The following CRISPLD2 variants were observed in gnomAD, a reference collection of about 807,000 sequenced individuals.
The protein encoded by CRISPLD2 is cysteine rich secretory protein LCCL domain containing 2, also known as cysteine-rich secretory protein LCCL domain-containing 2.
Under a neutral mutation model 71.1 loss-of-function variants are expected in CRISPLD2, and 47 were observed. The ratio of observed to expected loss-of-function variants is 0.66; its 90% confidence interval spans 0.52 to 0.84. CRISPLD2 has a LOEUF of 0.84. Ranked by LOEUF, CRISPLD2 falls within the 40% of genes least tolerant of loss-of-function variation. The pLI, the probability that CRISPLD2 is intolerant of heterozygous loss-of-function variation, is 0.00. For missense variants in CRISPLD2, 830 were observed against 651.1 expected (o/e 1.27, Z -2.99); for synonymous variants, 317 against 250.1 (o/e 1.27, Z -2.52).
intron 14 of CRISPLD2, among the ~76,000 whole-genome samples, chr16:84,902,737 G>T (rs2071766286): frequency 6.7e-6 from 1 of 148,906 alleles, no homozygotes; most frequent in East Asian, 2.0e-4. Flanking sequence ...GGTTGTTGCT[G>T]TGTATCTCCT....
At chr16:84,880,196 G>A (rs1246447614) in intron 12 of CRISPLD2, among the ~76,000 whole-genome samples, 1 of 152,100 alleles carries the variant, frequency 6.6e-6, no homozygotes, top group African/African-American at 2.4e-5. Context: ...GAATGGGAGG[G>A]GCAGCCTCAC....
intron 14 of CRISPLD2, among the ~76,000 whole-genome samples, chr16:84,891,290 C>G (rs1173902598): frequency 6.6e-6 from 1 of 152,222 alleles, no homozygotes; most frequent in East Asian, 1.9e-4. Flanking sequence ...TCCTGGGACA[C>G]GGCCCCTGCT....
chr16:84,849,553 C>G lies in CRISPLD2; in HGVS notation c.492+36C>G, dbSNP rs773475049. 1.9e-6 allele frequency: 3 copies of G among 1,603,764 alleles called. No individual in the cohort carries two copies. The East Asian group carries it at 6.7e-5, about 36-fold the overall frequency. ...GACTTGCCACGACCTCAGCCCTGCCCCCCAATCCCAGTCATTCACCCCCTG... is the reference window on the plus strand; with the variant it reads ...GACTTGCCACGACCTCAGCCCTGCCGCCCAATCCCAGTCATTCACCCCCTG... On this transcript the variant is annotated intron_variant, in intron 4 of 14. Coordinates refer to ENST00000262424, the MANE Select transcript of CRISPLD2 (RefSeq NM_031476.4).
At chr16:84,826,955 C>T (rs1187844104) in intron 1 of CRISPLD2, among the ~76,000 whole-genome samples, 1 of 152,206 alleles carries the variant, frequency 6.6e-6, no homozygotes, top group Non-Finnish European at 1.5e-5. Context: ...AGTCTTCAAA[C>T]AGAGGTCAGA....
At chr16:84,849,297 C>G (rs1917008997) in intron 3 of CRISPLD2, 88 bp from the exon 4 acceptor site, 1 of 1,356,098 alleles carries the variant, frequency 7.4e-7, no homozygotes, top group South Asian at 1.5e-5. Flanking sequence ...CTCGGCCTCC[C>G]TCCCTCCTAC....
At chr16:84,821,484 G>A (rs532479193) in intron 1 of CRISPLD2, among the ~76,000 whole-genome samples, 3 of 152,302 alleles carry the variant, frequency 2.0e-5, no homozygotes, top group South Asian at 4.1e-4. Context: ...CACAGCTGAG[G>A]AAACTGAGGC....
At chr16:84,820,836 G>T (rs537830667) in intron 1 of CRISPLD2, among the ~76,000 whole-genome samples, 4 of 152,138 alleles carry the variant, frequency 2.6e-5, no homozygotes, top group South Asian at 2.1e-4. Flanking sequence ...TAACTCCTGC[G>T]TGGGGAGAGT....
chr16:84,863,740 C>G (rs1329885058), intron 6 of CRISPLD2, among the ~76,000 whole-genome samples: 1 of 152,064 alleles, frequency 6.6e-6, no homozygotes, highest in East Asian at 1.9e-4. Context: ...GAGGCTGAGG[C>G]GGGCAGATCA....
intron 1 of CRISPLD2, among the ~76,000 whole-genome samples, chr16:84,827,516 G>C (rs924028423): frequency 6.6e-6 from 1 of 150,808 alleles, no homozygotes; most frequent in East Asian, 1.9e-4. Context: ...GACCCCTTCT[G>C]AGCCTTTGTC....
chr16:84,847,617 C>A lies in CRISPLD2; in HGVS notation c.359+1713C>A, dbSNP rs539153146. On this transcript the variant is annotated intron_variant, in intron 3 of 14. Transcript: ENST00000262424. The stretch of plus-strand genomic sequence containing the variant: ...AGTGAGCCAGGATTGCACCATTGTA[C>A]TCCAGCCTGGGTGACAGTGCAAGAA... Among the ~76,000 whole-genome samples, 22 of 151,594 alleles carry A rather than the reference C, an allele frequency of 1.5e-4. No individual in the cohort carries two copies. In the South Asian group the frequency reaches 4.6e-3, roughly 32 times the overall value.
intron 9 of CRISPLD2, 65 bp downstream of exon 9, chr16:84,872,573 G>T (rs368398329): frequency 1.4e-6 from 2 of 1,388,788 alleles, no homozygotes; most frequent in Non-Finnish European, 2.0e-6. Context: ...TTTAAAGCAG[G>T]TGGTTGGCTT....
intron 7 of CRISPLD2, among the ~76,000 whole-genome samples, chr16:84,868,317 A>C (rs1917598188): frequency 6.6e-6 from 1 of 152,186 alleles, no homozygotes; most frequent in African/African-American, 2.4e-5. Flanking sequence ...TTCAAACTAT[A>C]ACACGACTCC....
At chr16:84,836,713 C>G (rs1443864975) in intron 1 of CRISPLD2, among the ~76,000 whole-genome samples, 1 of 152,198 alleles carries the variant, frequency 6.6e-6, no homozygotes, top group South Asian at 2.1e-4. Flanking sequence ...AGGCCTTGAT[C>G]TACATCTCCC....
intron 3 of CRISPLD2, among the ~76,000 whole-genome samples, chr16:84,848,443 G>T (rs1176719442): frequency 6.9e-6 from 1 of 143,948 alleles, no homozygotes; most frequent in Non-Finnish European, 1.5e-5. Flanking sequence ...CTCCAGTTTG[G>T]TTTTCTCCCT....
intron 6 of CRISPLD2, among the ~76,000 whole-genome samples, chr16:84,865,993 GT>G (rs1190379639): frequency 6.6e-6 from 1 of 152,192 alleles, no homozygotes; most frequent in Non-Finnish European, 1.5e-5. Context: ...TTATTGGACA[GT>G]AAAACTCCAG....
chr16:84,876,032 C>G (rs1019521784), intron 11 of CRISPLD2, among the ~76,000 whole-genome samples: 1 of 152,192 alleles, frequency 6.6e-6, no homozygotes, highest in African/African-American at 2.4e-5. Flanking sequence ...AACGATGACT[C>G]ATGGGTTAAA....
Position 84,838,463 on chromosome 16 carries a change from C to G in CRISPLD2, c.-33C>G. On this transcript the variant is annotated 5_prime_UTR_variant, in exon 2 of 15. Coordinates refer to ENST00000262424, the MANE Select transcript of CRISPLD2 (RefSeq NM_031476.4). ...TCTGCCCGAGGAGCCCAGGCTGCCC[C>G]GTGAGTCCCATAGTTGCTGCAGGAG... 2.5e-6 allele frequency: 4 copies of G among 1,600,006 alleles called. No individual in the cohort carries two copies. The highest frequency in any genetic ancestry group is 3.4e-6 in the Non-Finnish European group (4 of 1,170,808).
chr16:84,849,435 A>T lies in CRISPLD2; in HGVS notation c.410A>T (p.Asp137Val), dbSNP rs1297496215. 1.2e-6 allele frequency: 2 copies of T among 1,614,012 alleles called. No individual in the cohort carries two copies. Among genetic ancestry groups the T allele is most frequent in the Admixed American group, 1.7e-5 (1 of 60,030 alleles). Residue 137 changes from aspartate (D) to valine (V), a missense_variant, in exon 4 of 15, where the codon GAC (aspartate) becomes GTC (valine). Transcript: ENST00000262424. ...HVQSWYDEVK[D>V]YTYPYPSECN... ...CAGTCCTGGTATGACGAGGTGAAGG[A>T]CTACACCTACCCCTACCCGAGCGAG...
intron 7 of CRISPLD2, among the ~76,000 whole-genome samples, chr16:84,868,300 G>T (rs1010336628): frequency 2.0e-5 from 3 of 152,204 alleles, no homozygotes; most frequent in Non-Finnish European, 4.4e-5. Flanking sequence ...CAACGTTTAT[G>T]TCCCTTTTCA....
Sources: allele counts gnomAD v4.1 joint callset (sites outside exome capture counted in the v4.1 genomes callset), GRCh38; gene constraint gnomAD v4.1.1; transcripts MANE v1.5; gene names NCBI Gene and HGNC (gene_info 2026-07-23, HGNC 2026-07-21).